The following CNGB3 variants were observed in gnomAD, a reference collection of about 807,000 sequenced individuals.
CNGB3 encodes the protein cyclic nucleotide gated channel subunit beta 3, also known as cyclic nucleotide-gated channel beta-3.
A neutral mutation model predicts 92.8 loss-of-function variants in CNGB3; 86 were observed. That is an observed-to-expected ratio of 0.93 (90% CI 0.78 to 1.11). The LOEUF is 1.11. Ranked by LOEUF, CNGB3 falls within the 50% of genes least tolerant of loss-of-function variation. The probability of loss-of-function intolerance (pLI) is 0.00; values close to 1 mark genes in which losing one functional copy is unlikely to be tolerated. For synonymous variants in CNGB3, 333 were observed against 332.7 expected (o/e 1.00, Z -0.01); for missense variants, 1,026 against 956.8 (o/e 1.07, Z -0.95).
At chr8:86,679,976 G>A (rs1329856840) in intron 3 of CNGB3, among the ~76,000 whole-genome samples, 1 of 152,168 alleles carries the variant, frequency 6.6e-6, no homozygotes, top group African/African-American at 2.4e-5. Context: ...CCAGAACCGA[G>A]TCTGACAGCA....
intron 14 of CNGB3, 24 bp downstream of exon 14, chr8:86,611,564 A>G (rs756606775): frequency 1.3e-6 from 2 of 1,577,404 alleles, no homozygotes; most frequent in South Asian, 2.2e-5. Flanking sequence ...TTAGTTGTGC[A>G]TTTGAAAAAT....
At chr8:86,576,252 C>A in intron 17 of CNGB3, 122 bp from the exon 18 acceptor site, 1 of 1,053,018 alleles carries the variant, frequency 9.5e-7, no homozygotes, top group Non-Finnish European at 1.4e-6. Context: ...TTAAGTGAAT[C>A]CAGGAATCAT....
intron 11 of CNGB3, among the ~76,000 whole-genome samples, chr8:86,632,010 C>T (rs1402638841): frequency 1.3e-5 from 2 of 151,892 alleles, no homozygotes; most frequent in East Asian, 3.9e-4. Context: ...TACATGGGCT[C>T]CTACATTCAG....
intron 10 of CNGB3, 104 bp downstream of exon 10, chr8:86,643,647 A>T: frequency 7.8e-7 from 1 of 1,282,490 alleles, no homozygotes; most frequent in South Asian, 1.2e-5. Flanking sequence ...CCAGCCATTG[A>T]ATGGGTTATG....
intron 15 of CNGB3, among the ~76,000 whole-genome samples, chr8:86,582,285 T>C (rs1461108786): frequency 6.6e-6 from 1 of 151,838 alleles, no homozygotes; most frequent in African/African-American, 2.4e-5. Context: ...TACCAGCTAC[T>C]TGTGAGGCTG....
At chr8:86,665,924 C>G (rs111542770) in intron 6 of CNGB3, among the ~76,000 whole-genome samples, 2 of 152,160 alleles carry the variant, frequency 1.3e-5, no homozygotes, top group Non-Finnish European at 2.9e-5. Context: ...GTCATGAAAG[C>G]TTTGCTTTGT....
At chr8:86,603,872 C>T (rs987441582) in intron 15 of CNGB3, among the ~76,000 whole-genome samples, 6 of 152,222 alleles carry the variant, frequency 3.9e-5, no homozygotes, top group African/African-American at 1.4e-4. Flanking sequence ...TTACGCCAGG[C>T]ACTGCTCTAG....
chr8:86,589,710 G>C (rs1036812452), intron 15 of CNGB3, among the ~76,000 whole-genome samples: 1 of 152,140 alleles, frequency 6.6e-6, no homozygotes, highest in African/African-American at 2.4e-5. Context: ...GAGATAGTTT[G>C]TTATAATGTC....
intron 17 of CNGB3, among the ~76,000 whole-genome samples, chr8:86,576,452 ATATT>A (rs1322211746): frequency 6.6e-6 from 1 of 152,144 alleles, no homozygotes; most frequent in African/African-American, 2.4e-5. Flanking sequence ...TGCTTTTTAA[ATATT>A]TACTTATTCT....
chr8:86,667,700 G>A (rs1563747611), intron 5 of CNGB3, among the ~76,000 whole-genome samples: 1 of 152,210 alleles, frequency 6.6e-6, no homozygotes, highest in African/African-American at 2.4e-5. Flanking sequence ...TGAAGCCATG[G>A]AAGAAGACTG....
intron 6 of CNGB3, among the ~76,000 whole-genome samples, chr8:86,666,501 A>G (rs146687911): frequency 6.6e-6 from 1 of 152,298 alleles, no homozygotes; most frequent in East Asian, 1.9e-4. Flanking sequence ...TCATTTGTAA[A>G]TGGGGCTAAT....
chr8:86,591,693 C>G (rs963250523), intron 15 of CNGB3, among the ~76,000 whole-genome samples: 35 of 152,242 alleles, frequency 2.3e-4, no homozygotes, highest in African/African-American at 7.0e-4. Context: ...GGCAGTCTGC[C>G]TGTTCTCAAA....
intron 3 of CNGB3, among the ~76,000 whole-genome samples, chr8:86,717,407 C>T (rs902610339): frequency 6.6e-6 from 1 of 151,640 alleles, no homozygotes; most frequent in African/African-American, 2.4e-5. Context: ...ACTAAAAATA[C>T]AAAAAATTAG....
chr8:86,663,446 AC>A (rs908444351), intron 6 of CNGB3, among the ~76,000 whole-genome samples: 3 of 152,166 alleles, frequency 2.0e-5, no homozygotes, highest in African/African-American at 7.2e-5. Flanking sequence ...GCTGTGAAAA[AC>A]TTGTAAGGCC....
At position 86,576,034 on chromosome 8, in the gene CNGB3, C is replaced by T. The variant is rs377050872; in HGVS notation, c.2200G>A (p.Gly734Arg). The T allele has an allele frequency of 6.2e-7, 1 of 1,608,284 alleles. No individual in the cohort carries two copies. Among genetic ancestry groups the T allele is most frequent in the Non-Finnish European group, 8.5e-7 (1 of 1,176,776 alleles). ...TTATCTTTATCTTCATTTTCTTTTC[C>T]TTTATCTTCATTTTCTTTTTGTTTA... The part of the protein sequence containing the change: ...EDKQKENEDK[G>R]KENEDKDKGR... Residue 734 changes from glycine (G) to arginine (R), a missense_variant, in exon 18 of 18, where the codon GGA becomes AGA. Physicochemically the swap from Gly to Arg is moderately radical, Grantham distance 125 (BLOSUM62 -2). Transcript: ENST00000320005.
At chr8:86,654,752 C>T (rs925643833) in intron 6 of CNGB3, among the ~76,000 whole-genome samples, 2 of 152,040 alleles carry the variant, frequency 1.3e-5, no homozygotes, top group African/African-American at 2.4e-5. Context: ...TTACTTATAT[C>T]TTCACTTCCT....
chr8:86,691,132 C>T (rs1824304001), intron 3 of CNGB3, among the ~76,000 whole-genome samples: 1 of 151,958 alleles, frequency 6.6e-6, no homozygotes, highest in African/African-American at 2.4e-5. Context: ...TGTTTTTGCA[C>T]CTGTTGTAAA....
intron 15 of CNGB3, among the ~76,000 whole-genome samples, chr8:86,582,078 A>AT: frequency 1.1e-5 from 1 of 88,900 alleles, no homozygotes; most frequent in Non-Finnish European, 2.8e-5. Context: ...GCAGAAATAG[A>AT]CGAAATATGA....
At chr8:86,684,050 G>T (rs1193829235) in intron 3 of CNGB3, among the ~76,000 whole-genome samples, 1 of 152,106 alleles carries the variant, frequency 6.6e-6, no homozygotes, top group African/African-American at 2.4e-5. Context: ...GCATGAAAAG[G>T]CAAGCTACAA....
Sources: gnomAD v4.1 joint callset for allele counts (sites outside exome capture counted in the v4.1 genomes callset) on GRCh38, gnomAD v4.1.1 for gene constraint, MANE v1.5 for transcripts, NCBI Gene and HGNC (gene_info 2026-07-23, HGNC 2026-07-21) for gene names.